Variants in METTL25 observed in about 807,000 individuals in gnomAD.
METTL25 encodes methyltransferase like 25, also known as probable methyltransferase-like protein 25.
METTL25 carries 64 observed loss-of-function variants against 71.6 expected under a neutral mutation model. The ratio of observed to expected loss-of-function variants is 0.89; its 90% CI spans 0.73 to 1.10. The LOEUF is 1.10. Ranked by LOEUF, METTL25 falls within the 50% of genes least tolerant of loss-of-function variation. The probability of loss-of-function intolerance (pLI) is 0.00; values close to 1 mark genes in which losing one functional copy is unlikely to be tolerated. For synonymous variants in METTL25, 287 were observed against 250.3 expected (o/e 1.15, Z -1.38); for missense variants, 807 against 707.0 (o/e 1.14, Z -1.60).
chr12:82,371,483 T>C (rs1883226393), intron 1 of METTL25, among the ~76,000 whole-genome samples: 1 of 152,210 alleles, frequency 6.6e-6, no homozygotes, highest in Admixed American at 6.5e-5. Flanking sequence ...TACCGGGTGA[T>C]TGGCCTGCTC....
At chr12:82,397,136 TG>T (rs1226200223) in intron 3 of METTL25, among the ~76,000 whole-genome samples, 3 of 152,128 alleles carry the variant, frequency 2.0e-5, no homozygotes, top group Non-Finnish European at 2.9e-5. Flanking sequence ...ATGGGTCATA[TG>T]TAAAGTATAT....
chr12:82,392,815 G>C (rs1160242368), intron 3 of METTL25, among the ~76,000 whole-genome samples: 1 of 151,978 alleles, frequency 6.6e-6, no homozygotes, highest in Non-Finnish European at 1.5e-5. Flanking sequence ...TTTTGTATAT[G>C]GTGAGAGATA....
At chr12:82,432,594 A>C (rs985330366) in intron 6 of METTL25, among the ~76,000 whole-genome samples, 1 of 151,686 alleles carries the variant, frequency 6.6e-6, no homozygotes, top group Non-Finnish European at 1.5e-5. Flanking sequence ...CATTCAGAGA[A>C]CCAAAACAAA....
chr12:82,432,044 A>C (rs538325911), intron 6 of METTL25, among the ~76,000 whole-genome samples: 2 of 151,858 alleles, frequency 1.3e-5, no homozygotes, highest in South Asian at 4.1e-4. Context: ...CTATATATAT[A>C]TAAACATCAT....
chr12:82,395,671 A>G (rs749210992), intron 3 of METTL25, among the ~76,000 whole-genome samples: 14 of 152,054 alleles, frequency 9.2e-5, no homozygotes, highest in Non-Finnish European at 1.8e-4. Flanking sequence ...GCTTGTAACA[A>G]TGTTTCTGTG....
At chr12:82,454,068 G>A (rs1891322960) in intron 8 of METTL25, among the ~76,000 whole-genome samples, 1 of 152,056 alleles carries the variant, frequency 6.6e-6, no homozygotes, top group African/African-American at 2.4e-5. Context: ...CTCAGAAATT[G>A]AAATTTAAAA....
At chr12:82,393,991 A>G (rs894326503) in intron 3 of METTL25, among the ~76,000 whole-genome samples, 7 of 151,690 alleles carry the variant, frequency 4.6e-5, no homozygotes, top group Non-Finnish European at 8.8e-5. Flanking sequence ...TAATTTCTTC[A>G]TTGACACATT....
intron 1 of METTL25, among the ~76,000 whole-genome samples, chr12:82,382,064 A>G (rs956540544): frequency 2.0e-5 from 3 of 152,204 alleles, no homozygotes; most frequent in African/African-American, 7.2e-5. Context: ...TAGCTTTGCC[A>G]GTGGGTGAGT....
At position 82,476,644 on chromosome 12, in the gene METTL25, C is replaced by G. The variant is rs772771362; in HGVS notation, c.1573C>G (p.Leu525Val). 2 of 1,581,852 alleles carry G rather than the reference C, an allele frequency of 1.3e-6. No homozygotes were observed. The highest frequency in any genetic ancestry group is 1.7e-6 in the Non-Finnish European group (2 of 1,160,830). ...TTTATTGTTGTTTTTTATCTTGAAGCTGCCAGAAAAAATTATAATGAACTA... is the reference window on the plus strand; with the variant it reads ...TTTATTGTTGTTTTTTATCTTGAAGGTGCCAGAAAAAATTATAATGAACTA... Reference protein sequence around the residue: ...LKKLGLDESKLPEKIIMNYYE... With the variant: ...LKKLGLDESKVPEKIIMNYYE... The change falls in exon 10 of 12, where the codon CTG becomes GTG. Residue 525 changes from leucine to valine, a missense_variant and splice_region_variant. Leu to Val is a conservative substitution (Grantham distance 32). Transcript: ENST00000248306.
At chr12:82,387,047 A>G (rs1885106566) in intron 2 of METTL25, 80 bp downstream of exon 2, 2 of 1,133,256 alleles carry the variant, frequency 1.8e-6, no homozygotes, top group East Asian at 4.8e-5. Context: ...GTATCTTTCC[A>G]AAATATTATT....
intron 3 of METTL25, among the ~76,000 whole-genome samples, chr12:82,398,153 T>A (rs1357543131): frequency 6.6e-6 from 1 of 151,886 alleles, no homozygotes; most frequent in African/African-American, 2.4e-5. Context: ...TAGTTTTCAA[T>A]GTATAGGTTT....
chr12:82,419,374 T>C (rs550711291), intron 5 of METTL25, among the ~76,000 whole-genome samples: 1 of 152,110 alleles, frequency 6.6e-6, no homozygotes, highest in African/African-American at 2.4e-5. Flanking sequence ...AGGGAAAAGA[T>C]AGACATCAGT....
chr12:82,365,928 A>G lies in METTL25; in HGVS notation c.259+7104A>G, dbSNP rs561565314. Among the ~76,000 whole-genome samples, 24 of 152,182 alleles carry G rather than the reference A, an allele frequency of 1.6e-4. No individual in the cohort carries two copies. In the South Asian group the frequency reaches 5.0e-3, roughly 32 times the overall value. Reference sequence around the variant, plus strand: ...AAACCCCGTCTCTACTAAAAATACAAAAAATCAGCCAGACATGGTGGCGGG... The same window carrying G: ...AAACCCCGTCTCTACTAAAAATACAGAAAATCAGCCAGACATGGTGGCGGG... On this transcript the variant is annotated intron_variant, in intron 1 of 11. Coordinates refer to ENST00000248306, the MANE Select transcript of METTL25 (RefSeq NM_032230.3).
intron 1 of METTL25, among the ~76,000 whole-genome samples, chr12:82,378,092 G>A (rs1884062781): frequency 6.6e-6 from 1 of 151,828 alleles, no homozygotes; most frequent in Non-Finnish European, 1.5e-5. Context: ...TTTATCAAGT[G>A]CTGAAAACTG....
At chr12:82,429,835 C>T (rs1248730129) in intron 5 of METTL25, among the ~76,000 whole-genome samples, 2 of 151,412 alleles carry the variant, frequency 1.3e-5, no homozygotes, top group Non-Finnish European at 3.0e-5. Context: ...TAGGGAGGAT[C>T]GTCCATATCT....
intron 3 of METTL25, among the ~76,000 whole-genome samples, chr12:82,392,992 CTG>C (rs1402102124): frequency 2.0e-5 from 3 of 152,060 alleles, no homozygotes; most frequent in African/African-American, 7.2e-5. Context: ...GTCTATGTGT[CTG>C]TTTTTATGGG....
intron 8 of METTL25, among the ~76,000 whole-genome samples, chr12:82,449,542 A>T (rs559871880): frequency 4.9e-4 from 74 of 152,158 alleles, no homozygotes; most frequent in Middle Eastern, 3.4e-3. Context: ...TCATTCCAGG[A>T]CCTCTGGAAG....
At chr12:82,477,458 A>T in intron 11 of METTL25, 106 bp downstream of exon 11, 1 of 495,224 alleles carries the variant, frequency 2.0e-6, no homozygotes, top group Non-Finnish European at 3.5e-6. Context: ...CTAGTAAGAA[A>T]ATTTTTCTCA....
At chr12:82,387,578 C>A (rs1438446567) in intron 2 of METTL25, among the ~76,000 whole-genome samples, 1 of 151,502 alleles carries the variant, frequency 6.6e-6, no homozygotes, top group Non-Finnish European at 1.5e-5. Flanking sequence ...TTTTCCCCAC[C>A]TTTTTATTTT....
Sources: gnomAD v4.1 joint callset for allele counts (sites outside exome capture counted in the v4.1 genomes callset) on GRCh38, gnomAD v4.1.1 for gene constraint, MANE v1.5 for transcripts, NCBI Gene and HGNC (gene_info 2026-07-23, HGNC 2026-07-21) for gene names.